Variants in MAP3K5 observed in about 807,000 individuals in gnomAD.
The protein encoded by MAP3K5 is mitogen-activated protein kinase kinase kinase 5.
A neutral mutation model predicts 158.7 loss-of-function variants in MAP3K5; 56 were observed. The ratio of observed to expected loss-of-function variants is 0.35; its 90% CI spans 0.28 to 0.44. The LOEUF (loss-of-function observed/expected upper bound fraction) is 0.44, where lower values mean the gene tolerates loss of function less well. Among genes scored for constraint, MAP3K5 ranks in the 20% least tolerant of loss-of-function variants. The probability of loss-of-function intolerance (pLI) is 1.00; values close to 1 mark genes in which losing one functional copy is unlikely to be tolerated. For synonymous variants in MAP3K5, 579 were observed against 601.7 expected, an observed-to-expected ratio of 0.96 and a Z score of 0.55; for missense variants, 1,294 against 1,674.8, an observed-to-expected ratio of 0.77 and a Z score of 3.97.
At chr6:136,697,517 C>T in intron 4 of MAP3K5, 130 bp from the exon 5 acceptor site, 1 of 636,976 alleles carries the variant, frequency 1.6e-6, no homozygotes. Flanking sequence ...TCAGTTCATT[C>T]AGATGCCTAA....
chr6:136,614,570 A>G (rs1650634852), intron 15 of MAP3K5, among the ~76,000 whole-genome samples: 1 of 152,206 alleles, frequency 6.6e-6, no homozygotes, highest in Admixed American at 6.5e-5. Context: ...ACTGATTCAC[A>G]GAGAGGATGA....
intron 7 of MAP3K5, among the ~76,000 whole-genome samples, chr6:136,686,141 G>A (rs920240197): frequency 6.6e-6 from 1 of 152,160 alleles, no homozygotes; most frequent in Non-Finnish European, 1.5e-5. Flanking sequence ...TTATGGATAG[G>A]TCCTCTACAG....
intron 1 of MAP3K5, among the ~76,000 whole-genome samples, chr6:136,762,287 A>G (rs1430958411): frequency 6.6e-6 from 1 of 152,210 alleles, no homozygotes; most frequent in African/African-American, 2.4e-5. Flanking sequence ...GCACACAGAA[A>G]ACAGAGCTCC....
At chr6:136,725,993 C>T (rs1781948619) in intron 1 of MAP3K5, among the ~76,000 whole-genome samples, 2 of 152,156 alleles carry the variant, frequency 1.3e-5, no homozygotes, top group African/African-American at 4.8e-5. Context: ...CTTCTGGATT[C>T]TCTGTTTTAT....
At chr6:136,668,760 A>G (rs1486504079) in intron 8 of MAP3K5, among the ~76,000 whole-genome samples, 1 of 152,218 alleles carries the variant, frequency 6.6e-6, no homozygotes, top group East Asian at 1.9e-4. Context: ...GCTATGATTC[A>G]GAGATGGTCT....
At chr6:136,789,675 CTTTTTTTTTTTTTTT>C (rs57162918) in intron 1 of MAP3K5, among the ~76,000 whole-genome samples, 9 of 78,754 alleles carry the variant, frequency 1.1e-4, no homozygotes, top group African/African-American at 5.1e-4. Context: ...AGCACAACCT[CTTTTTTTTTTTTTTT>C]TTTTTTTTTT....
chr6:136,600,062 G>C (rs780685454), intron 21 of MAP3K5, among the ~76,000 whole-genome samples: 7 of 152,144 alleles, frequency 4.6e-5, no homozygotes, highest in Non-Finnish European at 1.0e-4. Flanking sequence ...TGGCTTTGGG[G>C]CATCAGAGGA....
intron 1 of MAP3K5, among the ~76,000 whole-genome samples, chr6:136,764,105 A>C (rs573455840): frequency 6.6e-6 from 1 of 152,334 alleles, no homozygotes; most frequent in East Asian, 1.9e-4. Flanking sequence ...CTGATCAGCC[A>C]GCCACCTGTA....
chr6:136,562,072 T>A (rs1421377186), intron 27 of MAP3K5, among the ~76,000 whole-genome samples: 2 of 152,222 alleles, frequency 1.3e-5, no homozygotes, highest in Non-Finnish European at 2.9e-5. Context: ...ATGGGCTAAA[T>A]AACATTCTCC....
At chr6:136,650,923 G>C (rs1241001104) in intron 11 of MAP3K5, 61 bp downstream of exon 11, 1 of 996,462 alleles carries the variant, frequency 1.0e-6, no homozygotes, top group Non-Finnish European at 1.6e-6. Context: ...GTATGTAAAT[G>C]CTAGAAGGGT....
chr6:136,720,213 T>C (rs2114777943), intron 2 of MAP3K5, among the ~76,000 whole-genome samples: 1 of 152,286 alleles, frequency 6.6e-6, no homozygotes, highest in South Asian at 2.1e-4. Context: ...CACAGTCTCC[T>C]CCGCTACAAC....
chr6:136,745,426 C>G (rs1163645540), intron 1 of MAP3K5, among the ~76,000 whole-genome samples: 3 of 152,100 alleles, frequency 2.0e-5, no homozygotes, highest in Non-Finnish European at 4.4e-5. Context: ...TTTGTCAGGG[C>G]ACTCAAAGAG....
rs77161341 is a variant in MAP3K5 at position 136,753,971 on chromosome 6, A to C, written c.449-33382T>G. ...GAAGCAGCAAGTTCAGTTTGGTGGA[A>C]GAGGAGTACTAGAAAATCCGAGGCT... On this transcript the variant is annotated intron_variant, in intron 1 of 29. Coordinates refer to ENST00000359015, the MANE Select transcript of MAP3K5 (RefSeq NM_005923.4). Among the ~76,000 whole-genome samples the C allele has an allele frequency of 6.6e-3, 1,005 of 152,310 alleles. 10 individuals carry two copies. The highest frequency in any genetic ancestry group is 0.023 in the African/African-American group (958 of 41,570).
At chr6:136,697,411 A>G in intron 4 of MAP3K5, 24 bp from the exon 5 acceptor site, 1 of 1,571,084 alleles carries the variant, frequency 6.4e-7, no homozygotes, top group Non-Finnish European at 8.7e-7. Context: ...ACACATTTCA[A>G]AGAGTTTGAC....
chr6:136,623,720 T>C (rs1442707224), intron 14 of MAP3K5, among the ~76,000 whole-genome samples: 1 of 152,146 alleles, frequency 6.6e-6, no homozygotes, highest in Non-Finnish European at 1.5e-5. Flanking sequence ...TGGAACTAAA[T>C]GATTTAGGGC....
chr6:136,731,119 G>C (rs1168568626), intron 1 of MAP3K5, among the ~76,000 whole-genome samples: 1 of 152,194 alleles, frequency 6.6e-6, no homozygotes, highest in Non-Finnish European at 1.5e-5. Flanking sequence ...GCACGCCTTG[G>C]AGAGGATGGG....
chr6:136,633,536 A>G (rs1202760038), intron 14 of MAP3K5, among the ~76,000 whole-genome samples: 1 of 152,268 alleles, frequency 6.6e-6, no homozygotes, highest in East Asian at 1.9e-4. Context: ...TGGCAAAGTC[A>G]GAACCAGGGC....
chr6:136,706,409 T>C (rs1168928457), intron 2 of MAP3K5, among the ~76,000 whole-genome samples: 1 of 152,214 alleles, frequency 6.6e-6, no homozygotes, highest in Non-Finnish European at 1.5e-5. Context: ...TCAGTATTGT[T>C]ATTCCTATAC....
intron 7 of MAP3K5, among the ~76,000 whole-genome samples, chr6:136,684,925 T>A (rs1274806611): frequency 6.6e-6 from 1 of 152,160 alleles, no homozygotes; most frequent in Admixed American, 6.5e-5. Flanking sequence ...ATGCTTAAAT[T>A]AGGATGTATT....
Sources: gnomAD v4.1 joint callset for allele counts (sites outside exome capture counted in the v4.1 genomes callset) on GRCh38, gnomAD v4.1.1 for gene constraint, MANE v1.5 for transcripts, NCBI Gene and HGNC (gene_info 2026-07-23, HGNC 2026-07-21) for gene names.